Variants in MAP2K5 observed in about 807,000 individuals in gnomAD.
MAP2K5 encodes the protein mitogen-activated protein kinase kinase 5.
MAP2K5 carries 49 observed loss-of-function variants against 83.1 expected under a neutral mutation model. The ratio of observed to expected loss-of-function variants is 0.59; its 90% CI spans 0.47 to 0.75. MAP2K5 has a LOEUF of 0.75. Among genes scored for constraint, MAP2K5 ranks in the 30% least tolerant of loss-of-function variants. The pLI is 0.00. For synonymous variants in MAP2K5, 202 were observed against 191.8 expected (o/e 1.05, Z -0.44); for missense variants, 457 against 557.5 (o/e 0.82, Z 1.82).
chr15:67,588,098 C>T (rs1357079948), intron 6 of MAP2K5: 21 of 985,260 alleles, frequency 2.1e-5, no homozygotes, highest in Non-Finnish European at 2.5e-5. Context: ...CACTGCTCTT[C>T]ATGCTTTCAA....
intron 10 of MAP2K5, 29 bp from the exon 11 acceptor site, chr15:67,646,359 T>C: frequency 6.8e-7 from 1 of 1,465,900 alleles, no homozygotes; most frequent in Admixed American, 1.7e-5. Context: ...TGCAGGTTTA[T>C]AACTACTTTT....
In MAP2K5 at chr15:67,552,506, C is replaced by T. The variant is rs1039052794; in HGVS notation, c.184+2424C>T. Among the ~76,000 whole-genome samples, 1 of 152,148 alleles carries T rather than the reference C, an allele frequency of 6.6e-6. No individual in the cohort carries two copies. The highest frequency in any genetic ancestry group is 1.5e-5 in the Non-Finnish European group (1 of 68,036). On this transcript the variant is annotated intron_variant, in intron 2 of 21. Coordinates refer to ENST00000178640, the MANE Select transcript of MAP2K5 (RefSeq NM_145160.3). The surrounding 1 kb of genome is among the most constrained non-coding windows in gnomAD (Gnocchi z 4.2). ...CTGGAGTGCAGTGACATGATGATAG[C>T]TCACTGCAGCCTTAAACTCCTGGGC...
intron 13 of MAP2K5, among the ~76,000 whole-genome samples, chr15:67,685,314 A>G (rs2087926753): frequency 6.6e-6 from 1 of 152,224 alleles, no homozygotes; most frequent in Non-Finnish European, 1.5e-5. Context: ...TAAAATGTTG[A>G]AAGAAAGAAA....
At chr15:67,607,472 A>C (rs2085804116) in intron 8 of MAP2K5, among the ~76,000 whole-genome samples, 2 of 152,022 alleles carry the variant, frequency 1.3e-5, no homozygotes, top group African/African-American at 4.8e-5. Context: ...CCACCTCTCC[A>C]TGTTCCTGTA....
At chr15:67,656,016 T>A (rs1253616555) in intron 11 of MAP2K5, among the ~76,000 whole-genome samples, 1 of 152,184 alleles carries the variant, frequency 6.6e-6, no homozygotes, top group African/African-American at 2.4e-5. Context: ...TCTCCAAAAA[T>A]TTTCATTTCA....
rs745395176 is a variant in MAP2K5, at chr15:67,644,416, A to C, written c.586-1815A>C. Among the ~76,000 whole-genome samples the C allele has an allele frequency of 2.6e-5, 4 of 152,024 alleles. No homozygotes were observed. The highest frequency in any genetic ancestry group is 4.4e-5 in the Non-Finnish European group (3 of 67,984). ...CTCTAAATAAATAAATAAATAAATAAAACAATTACTCTTGAATTAGTTTCA... is the reference window on the plus strand; with the variant it reads ...CTCTAAATAAATAAATAAATAAATACAACAATTACTCTTGAATTAGTTTCA... On this transcript the variant is annotated intron_variant, in intron 9 of 21. Coordinates refer to ENST00000178640, the MANE Select transcript of MAP2K5 (RefSeq NM_145160.3). This position sits in a 1 kb window ranked among gnomAD's most constrained non-coding sequence, Gnocchi z 4.6.
rs1327544966 is a variant in MAP2K5, at chr15:67,769,672, G to A, written c.1196+9G>A. ...CATTTCATCACTCAGTGGTGAGCCCGTTTACAAACATGCCATGCCCTCAAT... is the reference window on the plus strand; with the variant it reads ...CATTTCATCACTCAGTGGTGAGCCCATTTACAAACATGCCATGCCCTCAAT... On this transcript the variant is annotated intron_variant, in intron 20 of 21. Coordinates refer to ENST00000178640, the MANE Select transcript of MAP2K5 (RefSeq NM_145160.3). The surrounding 1 kb of genome is among the most constrained non-coding windows in gnomAD (Gnocchi z 5.2). The A allele has an allele frequency of 6.2e-6, 10 of 1,613,192 alleles. No homozygotes were observed. Among genetic ancestry groups the A allele is most frequent in the East Asian group, 2.2e-5 (1 of 44,834 alleles).
At chr15:67,596,241 TGAA>T (rs753372243) in intron 7 of MAP2K5, among the ~76,000 whole-genome samples, 12 of 152,090 alleles carry the variant, frequency 7.9e-5, no homozygotes, top group Non-Finnish European at 1.6e-4. Context: ...GCCAACATGG[TGAA>T]ACCTCTTCTC....
At chr15:67,787,552 T>A (rs1022080618) in intron 21 of MAP2K5, among the ~76,000 whole-genome samples, 23 of 152,254 alleles carry the variant, frequency 1.5e-4, no homozygotes, top group African/African-American at 5.1e-4. Context: ...ATGCTCATTA[T>A]AATTGCTTTA....
intron 11 of MAP2K5, 125 bp from the exon 12 acceptor site, chr15:67,658,428 A>G (rs1014408775): frequency 2.9e-6 from 2 of 701,142 alleles, no homozygotes; most frequent in Non-Finnish European, 5.0e-6. Flanking sequence ...AAAGTTTTAT[A>G]CTACACATCC....
chr15:67,752,270 TTGGCCAGGC>T (rs1180394497), intron 19 of MAP2K5, among the ~76,000 whole-genome samples: 1 of 151,492 alleles, frequency 6.6e-6, no homozygotes, highest in Non-Finnish European at 1.5e-5. Flanking sequence ...TTTCACCATG[TTGGCCAGGC>T]TGTTCTCGAA....
At chr15:67,578,789 G>A (rs1490516337) in intron 3 of MAP2K5, among the ~76,000 whole-genome samples, 1 of 152,042 alleles carries the variant, frequency 6.6e-6, no homozygotes, top group Non-Finnish European at 1.5e-5. Context: ...AAATAAAGCT[G>A]GAAAACAGGT....
chr15:67,741,894 G>T (rs1596891581), intron 17 of MAP2K5, among the ~76,000 whole-genome samples: 1 of 146,626 alleles, frequency 6.8e-6, no homozygotes, highest in Admixed American at 7.4e-5. Flanking sequence ...AAATAAGAAA[G>T]AACTTTTTTT....
intron 8 of MAP2K5, among the ~76,000 whole-genome samples, chr15:67,612,300 C>G (rs1039020771): frequency 3.3e-5 from 5 of 152,080 alleles, no homozygotes. Context: ...ATAACACCTT[C>G]CCTTGACTAA....
chr15:67,692,278 C>T (rs544748603), intron 13 of MAP2K5, among the ~76,000 whole-genome samples: 2 of 152,108 alleles, frequency 1.3e-5, no homozygotes, highest in Non-Finnish European at 2.9e-5. Flanking sequence ...AACCAGAAAT[C>T]GTTGAACGTG....
chr15:67,638,010 AACTTTTTTTT>A lies in MAP2K5; in HGVS notation c.585+7090_585+7099del, dbSNP rs1341471088. ...TTTAACTTTTAATTTAACTTTTTTT[AACTTTTTTTT>A]ACTTTTAATTTTTTAAAAATTAAAA... On this transcript the variant is annotated intron_variant, in intron 9 of 21. Coordinates refer to ENST00000178640, the MANE Select transcript of MAP2K5 (RefSeq NM_145160.3). This position sits in a 1 kb window ranked among gnomAD's most constrained non-coding sequence, Gnocchi z 4.5. Among the ~76,000 whole-genome samples, 13 of 149,680 alleles carry A rather than the reference AACTTTTTTTT, an allele frequency of 8.7e-5. No homozygotes were observed. Among genetic ancestry groups the A allele is most frequent in the Admixed American group, 4.0e-4 (6 of 15,044 alleles).
At position 67,573,973 on chromosome 15, in the gene MAP2K5, A is replaced by G. The variant is rs536495898; in HGVS notation, c.253-6781A>G. Among the ~76,000 whole-genome samples the G allele has an allele frequency of 7.0e-4, 107 of 152,248 alleles. No individual in the cohort carries two copies. Among genetic ancestry groups the G allele is most frequent in the African/African-American group, 2.5e-3 (104 of 41,550 alleles). On this transcript the variant is annotated intron_variant, in intron 3 of 21. Coordinates refer to ENST00000178640, the MANE Select transcript of MAP2K5 (RefSeq NM_145160.3). The surrounding 1 kb of genome is among the most constrained non-coding windows in gnomAD (Gnocchi z 4.2). The stretch of plus-strand genomic sequence containing the variant: ...TGTTCCTCCTCTTGCTTTTGGGAAC[A>G]CCCAGCTCTGACTGGGTTTATTGGT...
chr15:67,631,667 C>G (rs1315884965), intron 9 of MAP2K5, among the ~76,000 whole-genome samples: 2 of 152,204 alleles, frequency 1.3e-5, no homozygotes, highest in Non-Finnish European at 2.9e-5. Flanking sequence ...TGTTCCCATG[C>G]AATTCATAAT....
chr15:67,726,584 G>A (rs751861654), intron 16 of MAP2K5, among the ~76,000 whole-genome samples: 11 of 152,170 alleles, frequency 7.2e-5, no homozygotes, highest in African/African-American at 2.2e-4. Flanking sequence ...TGAAATAAGC[G>A]CAGAACTTCT....
Sources: gnomAD v4.1 joint callset for allele counts (sites outside exome capture counted in the v4.1 genomes callset) on GRCh38, gnomAD v4.1.1 for gene constraint, Gnocchi (gnomAD v3.1) non-coding constraint, MANE v1.5 for transcripts, NCBI Gene and HGNC (gene_info 2026-07-23, HGNC 2026-07-21) for gene names.